LMBRD1: variants seen among roughly 807,000 people sequenced by gnomAD.
LMBRD1 encodes the protein LMBR1 domain containing 1, also known as lysosomal cobalamin transport escort protein LMBD1.
LMBRD1 carries 64 observed loss-of-function variants against 74.8 expected under a neutral mutation model. The observed-to-expected ratio is 0.86, with a 90% CI of 0.70 to 1.05. LMBRD1 has a LOEUF of 1.05. LMBRD1 is among the 50% of genes least tolerant of loss of function. LMBRD1 has a pLI of 0.00. For missense variants in LMBRD1, 652 were observed against 645.9 expected (o/e 1.01, Z -0.10); for synonymous variants, 204 against 216.3 (o/e 0.94, Z 0.50).
In LMBRD1 at chr6:69,695,251, GA is replaced by G. The variant is rs879771931; in HGVS notation, c.1417+2311del. ...TCCCTGAAGTCTCTCCTAACTAAAAGAAAAAAAAAAAGTTCTTGACTCCGCA... is the reference window on the plus strand; with the variant it reads ...TCCCTGAAGTCTCTCCTAACTAAAAGAAAAAAAAAAGTTCTTGACTCCGCA... On this transcript the variant is annotated intron_variant, in intron 14 of 15. Transcript: ENST00000649934. Among the ~76,000 whole-genome samples, 92 of 143,770 alleles carry G rather than the reference GA, an allele frequency of 6.4e-4. 1 individual carries two copies. Among genetic ancestry groups the G allele is most frequent in the African/African-American group, 1.6e-3 (61 of 39,286 alleles). 94.3% of individuals were successfully genotyped at this position (143,770 alleles called of 152,430 possible).
At chr6:69,692,447 AG>A (rs1765907867) in intron 14 of LMBRD1, among the ~76,000 whole-genome samples, 1 of 152,222 alleles carries the variant, frequency 6.6e-6, no homozygotes. Context: ...ATAATTAAGC[AG>A]GGCAGCAGAA....
rs540716285 is a variant in LMBRD1, at chr6:69,713,666, A to G, written c.894T>C (p.Cys298=). The G allele has an allele frequency of 6.2e-7, 1 of 1,613,562 alleles. No homozygotes were observed. The highest frequency in any genetic ancestry group is 1.3e-5 in the African/African-American group (1 of 75,018). ...TTACCTTCAGGGGACGCAGAGCGCCACAAAATTTTGTCCACCAGCTGTTTT... is the reference window on the plus strand; with the variant it reads ...TTACCTTCAGGGGACGCAGAGCGCCGCAAAATTTTGTCCACCAGCTGTTTT... ...FIENSWWTKF[C]GALRPLKIVW... The change falls in exon 9 of 16, where the codon TGT becomes TGC. Residue 298 remains cysteine (C), a synonymous_variant. Coordinates refer to ENST00000649934, the MANE Select transcript of LMBRD1 (RefSeq NM_018368.4).
At chr6:69,735,713 G>A (rs775552887) in intron 7 of LMBRD1, among the ~76,000 whole-genome samples, 3 of 151,874 alleles carry the variant, frequency 2.0e-5, no homozygotes, top group African/African-American at 4.8e-5. Flanking sequence ...TATTTAATTC[G>A]GAGCCACCAG....
intron 8 of LMBRD1, among the ~76,000 whole-genome samples, chr6:69,714,923 A>G (rs1766457903): frequency 6.6e-6 from 1 of 152,104 alleles, no homozygotes; most frequent in South Asian, 2.1e-4. Flanking sequence ...CCCTATCCCC[A>G]GAGGATATGA....
intron 12 of LMBRD1, among the ~76,000 whole-genome samples, chr6:69,700,223 G>A (rs964050956): frequency 1.4e-4 from 22 of 151,930 alleles, no homozygotes; most frequent in Admixed American, 1.2e-3. Context: ...ACAGCTGGAA[G>A]TAGTGTCTAC....
At chr6:69,746,824 C>A in intron 5 of LMBRD1, 1 of 167,832 alleles carries the variant, frequency 6.0e-6, no homozygotes, top group South Asian at 1.6e-4. Context: ...TGGTGGAACT[C>A]ATGTTCCACC....
At chr6:69,745,763 T>G (rs550691936) in intron 5 of LMBRD1, 1 of 152,582 alleles carries the variant, frequency 6.6e-6, no homozygotes, top group Admixed American at 6.5e-5. Flanking sequence ...ATATATTTTA[T>G]AGACTGAATT....
chr6:69,679,812 C>T (rs1460935832), intron 14 of LMBRD1, among the ~76,000 whole-genome samples: 4 of 152,034 alleles, frequency 2.6e-5, no homozygotes, highest in African/African-American at 7.2e-5. Flanking sequence ...ACCATCTTTC[C>T]TCACAGAATT....
At chr6:69,679,927 A>G (rs1765626295) in intron 14 of LMBRD1, among the ~76,000 whole-genome samples, 1 of 152,172 alleles carries the variant, frequency 6.6e-6, no homozygotes, top group East Asian at 1.9e-4. Context: ...ACAATTGTGA[A>G]GAGCTACTCA....
intron 9 of LMBRD1, among the ~76,000 whole-genome samples, chr6:69,704,601 C>T (rs1404688671): frequency 1.3e-5 from 2 of 152,090 alleles, no homozygotes. Flanking sequence ...GCTTTCCCAG[C>T]CACAGTCCTA....
At chr6:69,708,258 C>T (rs939041738) in intron 9 of LMBRD1, among the ~76,000 whole-genome samples, 15 of 152,110 alleles carry the variant, frequency 9.9e-5, no homozygotes, top group African/African-American at 3.6e-4. Flanking sequence ...TTAACTTATT[C>T]TAATTAGGTG....
intron 2 of LMBRD1, among the ~76,000 whole-genome samples, chr6:69,783,709 T>C (rs1422224755): frequency 2.0e-5 from 3 of 151,464 alleles, no homozygotes; most frequent in East Asian, 1.9e-4. Flanking sequence ...AATGTATCAA[T>C]GGGCCAGAGA....
At chr6:69,685,265 T>C (rs1765739987) in intron 14 of LMBRD1, among the ~76,000 whole-genome samples, 1 of 152,120 alleles carries the variant, frequency 6.6e-6, no homozygotes, top group South Asian at 2.1e-4. Flanking sequence ...AACAAATCAT[T>C]GAAAAGCAAA....
At chr6:69,730,718 A>T (rs1447923548) in intron 7 of LMBRD1, among the ~76,000 whole-genome samples, 1 of 152,148 alleles carries the variant, frequency 6.6e-6, no homozygotes, top group Non-Finnish European at 1.5e-5. Flanking sequence ...TTAATGTGTA[A>T]GTCAGGAGAA....
In LMBRD1 at chr6:69,676,542, C is replaced by G. The variant is rs1219730169; in HGVS notation, c.1418-1G>C. On this transcript the variant is annotated splice_acceptor_variant, in intron 14 of 15. Coordinates refer to ENST00000649934, the MANE Select transcript of LMBRD1 (RefSeq NM_018368.4). LOFTEE classifies it high-confidence loss of function. ...TATGTCCGGGTAACAGTACACTGAT[C>G]TGTGAAAGCAAATAAAAGACTATGG... The G allele has an allele frequency of 6.2e-7, 1 of 1,606,352 alleles. No individual in the cohort carries two copies. The highest frequency in any genetic ancestry group is 1.3e-5 in the African/African-American group (1 of 74,750).
intron 3 of LMBRD1, among the ~76,000 whole-genome samples, chr6:69,765,054 C>T (rs961166500): frequency 6.6e-6 from 1 of 151,798 alleles, no homozygotes; most frequent in African/African-American, 2.4e-5. Context: ...CTCAGCCTCC[C>T]CACATAGCTG....
At chr6:69,698,085 G>A (rs1419133900) in intron 13 of LMBRD1, among the ~76,000 whole-genome samples, 2 of 152,030 alleles carry the variant, frequency 1.3e-5, no homozygotes. Flanking sequence ...TAAGAAGTGA[G>A]AAATATGGTT....
In LMBRD1 at chr6:69,713,933, G is replaced by T. The variant is rs1337937716; in HGVS notation, c.763-136C>A. 1.2e-5 allele frequency: 10 copies of T among 830,850 alleles called. No homozygotes were observed. In the East Asian group the frequency reaches 2.4e-4, roughly 20 times the overall value. The allele number at this position is 830,850 out of a possible 1,614,324, so 51.5% of individuals were successfully genotyped here. A position where few individuals can be genotyped will look rare whatever the true frequency, so the allele number is the denominator to read the frequency against. ...CAAATTTACAAACTAAAAAAAACCTGACAACTGCAATATGACAATAAACAT... is the reference window on the plus strand; with the variant it reads ...CAAATTTACAAACTAAAAAAAACCTTACAACTGCAATATGACAATAAACAT... On this transcript the variant is annotated intron_variant, in intron 8 of 15. Transcript: ENST00000649934.
intron 3 of LMBRD1, among the ~76,000 whole-genome samples, chr6:69,774,961 GGAAGGAAGGAAGGAAGGAAGGA>G (rs1562121605): frequency 0.03 from 998 of 32,794 alleles, 38 homozygotes; most frequent in African/African-American, 0.12. Flanking sequence ...AAGGAAGGAA[GGAAGGAAGGAAGGAAGGAAGGA>G]AGGAAGGGAG....
Sources: gnomAD v4.1 joint callset for allele counts (sites outside exome capture counted in the v4.1 genomes callset) on GRCh38, gnomAD v4.1.1 for gene constraint, MANE v1.5 for transcripts, NCBI Gene and HGNC (gene_info 2026-07-23, HGNC 2026-07-21) for gene names.